Variants in HSPH1 observed in about 807,000 individuals in gnomAD.
HSPH1 encodes the protein heat shock protein 105 kDa.
A neutral mutation model predicts 100.0 loss-of-function variants in HSPH1; 40 were observed. The ratio of observed to expected loss-of-function variants is 0.40; its 90% CI spans 0.31 to 0.52. The LOEUF (loss-of-function observed/expected upper bound fraction) is 0.52. HSPH1 is among the 20% of genes least tolerant of loss of function. The pLI is 0.54. For synonymous variants in HSPH1, 403 were observed against 344.0 expected (o/e 1.17, Z -1.90); for missense variants, 876 against 1,015.1 (o/e 0.86, Z 1.86).
chr13:31,155,662 A>G lies in HSPH1; in HGVS notation c.166-8T>C. The G allele has an allele frequency of 1.3e-6, 2 of 1,573,502 alleles. No homozygotes were observed. Among genetic ancestry groups the G allele is most frequent in the Non-Finnish European group, 1.7e-6 (2 of 1,162,770 alleles). On this transcript the variant is annotated splice_polypyrimidine_tract_variant and splice_region_variant and intron_variant, in intron 2 of 17. Transcript: ENST00000320027. ...GTTTGCATGAGTGATTTGCTGCAAA[A>G]AGAAGTTTGAGATTTTAATTTTTTT...
At position 31,137,103 on chromosome 13, in the gene HSPH1, C is replaced by G. The variant is rs1196841246; in HGVS notation, c.*215G>C. The G allele has an allele frequency of 1.4e-6, 1 of 712,802 alleles. No individual in the cohort carries two copies. Among genetic ancestry groups the G allele is most frequent in the African/African-American group, 1.7e-5 (1 of 57,586 alleles). 44.2% of individuals were successfully genotyped at this position (712,802 alleles called of 1,614,324 possible). A position where few individuals can be genotyped will look rare whatever the true frequency, so the allele number is the denominator to read the frequency against. On this transcript the variant is annotated 3_prime_UTR_variant, in exon 18 of 18. Coordinates refer to ENST00000320027, the MANE Select transcript of HSPH1 (RefSeq NM_006644.4). The stretch of plus-strand genomic sequence containing the variant: ...GCACAGAAAGCTTAGTATGAATTCA[C>G]AATTCCACAGGAATCTGAAAGTTAC...
chr13:31,161,525 C>A lies in HSPH1; in HGVS notation c.58G>T (p.Ala20Ser). The A allele has an allele frequency of 6.2e-7, 1 of 1,614,056 alleles. No individual in the cohort carries two copies. The highest frequency in any genetic ancestry group is 8.5e-7 in the Non-Finnish European group (1 of 1,179,968). Reference protein sequence around the residue: ...SQSCYIAVARAGGIETIANEF... With the variant: ...SQSCYIAVARSGGIETIANEF... ...TTGGCGATGGTCTCGATGCCCCCGG[C>A]CCGGGCTACCGCGATGTAGCAGCTC... The change falls in exon 1 of 18, where the codon GCC becomes TCC. Residue 20 changes from alanine (A) to serine (S), a missense_variant. Ala to Ser is a moderately conservative substitution (Grantham distance 99). Transcript: ENST00000320027.
At chr13:31,138,069 G>A (rs954458079) in intron 17 of HSPH1, among the ~76,000 whole-genome samples, 4 of 152,034 alleles carry the variant, frequency 2.6e-5, no homozygotes, top group Admixed American at 2.6e-4. Context: ...GATGACACAG[G>A]CTTGTTTACT....
At chr13:31,161,920 A>G (rs527963644), upstream of HSPH1, 18 of 1,516,508 alleles carry the variant, frequency 1.2e-5, no homozygotes, top group South Asian at 2.2e-4. Flanking sequence ...GGGAGGTCCC[A>G]CTTCCTCAGC....
chr13:31,137,010 G>C lies in HSPH1; in HGVS notation c.*308C>G. 2.1e-6 allele frequency: 1 copy of C among 467,114 alleles called. No individual in the cohort carries two copies. Among genetic ancestry groups the C allele is most frequent in the Admixed American group, 3.4e-5 (1 of 29,436 alleles). 28.9% of individuals were successfully genotyped at this position (467,114 alleles called of 1,614,324 possible). The stretch of plus-strand genomic sequence containing the variant: ...TTTTAATCACAGCCCTCTTGAACAA[G>C]CAGTACAGTTTTTTTTCTCCAAAAG... On this transcript the variant is annotated 3_prime_UTR_variant, in exon 18 of 18. Transcript: ENST00000320027.
chr13:31,156,790 T>C (rs925485613), intron 2 of HSPH1, among the ~76,000 whole-genome samples: 2 of 152,216 alleles, frequency 1.3e-5, no homozygotes, highest in African/African-American at 4.8e-5. Flanking sequence ...TTGAGAGCCA[T>C]GGTTTTTAAA....
At chr13:31,143,674 A>G in intron 12 of HSPH1, 118 bp downstream of exon 12, 1 of 912,216 alleles carries the variant, frequency 1.1e-6, no homozygotes, top group South Asian at 3.1e-5. Flanking sequence ...CAACAGAAAA[A>G]AATCCTACAC....
chr13:31,147,114 T>C (rs1956290396), intron 10 of HSPH1, among the ~76,000 whole-genome samples: 1 of 152,150 alleles, frequency 6.6e-6, no homozygotes, highest in African/African-American at 2.4e-5. Flanking sequence ...CAATCAAACA[T>C]GAAAAATTAG....
chr13:31,155,388 G>C lies in HSPH1; in HGVS notation c.306+126C>G. ...GTCTATCTACTATACTTTAAAAGGA[G>C]CTGAATAAAAAAAGAACAAAAAGAC... On this transcript the variant is annotated intron_variant, in intron 3 of 17. Coordinates refer to ENST00000320027, the MANE Select transcript of HSPH1 (RefSeq NM_006644.4). The C allele has an allele frequency of 4.6e-6, 3 of 647,582 alleles. No homozygotes were observed. In the South Asian group the frequency reaches 7.0e-5, roughly 15 times the overall value. The allele number at this position is 647,582 out of a possible 1,614,324, so 40.1% of individuals were successfully genotyped here. A position where few individuals can be genotyped will look rare whatever the true frequency, so the allele number is the denominator to read the frequency against.
At position 31,151,656 on chromosome 13, in the gene HSPH1, A is replaced by C. The variant is rs1250461779; in HGVS notation, c.616T>G (p.Ser206Ala). ...RIVVFVDMGH[S>A]AFQVSACAFN... Reference sequence around the variant, plus strand: ...GCACAAGCAGACACTTGAAAAGCTGAATGTCCCATATCAACAAAAACCACT... The same window carrying C: ...GCACAAGCAGACACTTGAAAAGCTGCATGTCCCATATCAACAAAAACCACT... The change falls in exon 6 of 18, where the codon TCA becomes GCA. Residue 206 changes from serine (S) to alanine (A), a missense_variant. Transcript: ENST00000320027. The C allele has an allele frequency of 6.2e-7, 1 of 1,613,102 alleles. No homozygotes were observed. Among genetic ancestry groups the C allele is most frequent in the East Asian group, 2.2e-5 (1 of 44,820 alleles).
chr13:31,159,799 C>G (rs1479265474), intron 1 of HSPH1, among the ~76,000 whole-genome samples: 1 of 151,990 alleles, frequency 6.6e-6, no homozygotes, highest in Non-Finnish European at 1.5e-5. Context: ...TAGAAACATC[C>G]TCAAACTATA....
chr13:31,150,228 C>T (rs1352374865), intron 7 of HSPH1, 46 bp from the exon 8 acceptor site: 1 of 1,331,464 alleles, frequency 7.5e-7, no homozygotes, highest in Non-Finnish European at 1.0e-6. Context: ...GACCAATATC[C>T]TGTCCTACTT....
At chr13:31,152,007 TAACC>T in intron 5 of HSPH1, 1 of 338,842 alleles carries the variant, frequency 3.0e-6, no homozygotes, top group South Asian at 4.9e-5. Context: ...CAGTGAAACA[TAACC>T]ACGTATCACA....
chr13:31,150,264 T>G, intron 7 of HSPH1, 82 bp from the exon 8 acceptor site: 2 of 1,011,740 alleles, frequency 2.0e-6, no homozygotes, highest in East Asian at 2.5e-5. Flanking sequence ...ATTTCATTAT[T>G]TTCCCCCTCA....
At chr13:31,151,381 A>G (rs779607819) in intron 6 of HSPH1, 190 bp from the exon 7 acceptor site, 18 of 684,806 alleles carry the variant, frequency 2.6e-5, no homozygotes, top group South Asian at 6.6e-5. Context: ...TACATAGAAA[A>G]TAACTGTAAA....
At chr13:31,158,493 G>A (rs1031879597) in intron 2 of HSPH1, among the ~76,000 whole-genome samples, 2 of 146,204 alleles carry the variant, frequency 1.4e-5, no homozygotes, top group African/African-American at 2.6e-5. Flanking sequence ...AGGTTGCAGT[G>A]AGCCGAGATC....
At position 31,135,852 on chromosome 13, in the gene HSPH1, G is replaced by C. The variant is rs879675153; in HGVS notation, c.*1466C>G. 7.2e-5 allele frequency: 11 copies of C among 152,146 alleles called. No individual in the cohort carries two copies. The highest frequency in any genetic ancestry group is 7.2e-4 in the Admixed American group (11 of 15,268). The allele number at this position is 152,146 out of a possible 1,614,324, so 9.4% of individuals were successfully genotyped here. A position where few individuals can be genotyped will look rare whatever the true frequency, so the allele number is the denominator to read the frequency against. ...GCTATAGTTCTAAGATTAATCCCTT[G>C]TGGAAGAGGGAAAGTTGGCCCTCAT... On this transcript the variant is annotated 3_prime_UTR_variant, in exon 18 of 18. Transcript: ENST00000320027.
rs762728395 is a variant in HSPH1, at chr13:31,151,063, T to C, written c.792A>G (p.Leu264=). The C allele has an allele frequency of 9.3e-6, 15 of 1,613,854 alleles. No homozygotes were observed. In the East Asian group the frequency reaches 1.6e-4, roughly 17 times the overall value. Residue 264 remains leucine (L), a synonymous_variant, in exon 7 of 18, where the codon CTA becomes CTG. Transcript: ENST00000320027. The stretch of plus-strand genomic sequence containing the variant: ...GTTTTTCACATTCCTGATACAGACG[T>C]AGGAGTGCTCGTATTTTGGATTTTG... ...LDAKSKIRAL[L]RLYQECEKLK...
intron 2 of HSPH1, among the ~76,000 whole-genome samples, chr13:31,156,914 A>C (rs1956719626): frequency 6.6e-6 from 1 of 152,250 alleles, no homozygotes; most frequent in Admixed American, 6.5e-5. Context: ...TAAACTCTAG[A>C]TTGAAAAGCC....
Sources: gnomAD v4.1 joint callset for allele counts (sites outside exome capture counted in the v4.1 genomes callset) on GRCh38, gnomAD v4.1.1 for gene constraint, MANE v1.5 for transcripts, NCBI Gene and HGNC (gene_info 2026-07-23, HGNC 2026-07-21) for gene names.